The following MECOM variants were observed in gnomAD, a reference collection of about 807,000 sequenced individuals.
MECOM encodes the protein MDS1 and EVI1 complex locus, also known as histone-lysine N-methyltransferase MECOM.
MECOM carries 13 observed loss-of-function variants against 116.3 expected under a neutral mutation model. The observed-to-expected ratio is 0.11, with a 90% CI of 0.07 to 0.18. The LOEUF is 0.18. Ranked by LOEUF, MECOM falls within the 10% of genes least tolerant of loss-of-function variation. MECOM has a pLI of 1.00. For missense variants in MECOM, 1,299 were observed against 1,509.0 expected, an observed-to-expected ratio of 0.86 and a Z score of 2.31; for synonymous variants, 528 against 535.2, an observed-to-expected ratio of 0.99 and a Z score of 0.19.
At chr3:169,367,853 T>C (rs1577875441) in intron 2 of MECOM, among the ~76,000 whole-genome samples, 1 of 152,054 alleles carries the variant, frequency 6.6e-6, no homozygotes, top group South Asian at 2.1e-4. Context: ...TAGGCATGTA[T>C]ATTCCTCTGA....
chr3:169,211,071 T>C (rs1750666347), intron 2 of MECOM, among the ~76,000 whole-genome samples: 1 of 152,180 alleles, frequency 6.6e-6, no homozygotes, highest in South Asian at 2.1e-4. Flanking sequence ...TAATGGTATG[T>C]CAAACATGTG....
At chr3:169,651,642 G>A (rs1284934400) in intron 1 of MECOM, among the ~76,000 whole-genome samples, 3 of 152,118 alleles carry the variant, frequency 2.0e-5, no homozygotes, top group Non-Finnish European at 2.9e-5. Context: ...GGGGAAGGGT[G>A]GAGAGAGGAT....
chr3:169,127,953 T>C lies in MECOM; in HGVS notation c.721A>G (p.Met241Val), dbSNP rs1273215922. 6.2e-7 allele frequency: 1 copy of C among 1,614,092 alleles called. No individual in the cohort carries two copies. Among genetic ancestry groups the C allele is most frequent in the Non-Finnish European group, 8.5e-7 (1 of 1,179,958 alleles). Residue 241 changes from methionine (M) to valine (V), a missense_variant, in exon 5 of 17, where the codon ATG (methionine) becomes GTG (valine). Around this residue, in one of 6 missense-constraint regions of MECOM, gnomAD observed 374 missense variants for 433.4 expected, o/e 0.86. Coordinates refer to ENST00000651503, the MANE Select transcript of MECOM (RefSeq NM_004991.4). ...PCSTPHSAFS[M>V]VEEDFQQKLE... ...TTTTGCTGAAAGTCCTCTTCAACCATTGAAAATGCTGAGTGAGGAGTACTG... is the reference window on the plus strand; with the variant it reads ...TTTTGCTGAAAGTCCTCTTCAACCACTGAAAATGCTGAGTGAGGAGTACTG...
intron 2 of MECOM, among the ~76,000 whole-genome samples, chr3:169,209,331 C>A (rs1449267339): frequency 6.6e-6 from 1 of 151,856 alleles, no homozygotes; most frequent in Non-Finnish European, 1.5e-5. Context: ...AAAGCAATTG[C>A]AAAAAAAGCC....
At chr3:169,621,897 T>A (rs1379966182) in intron 1 of MECOM, among the ~76,000 whole-genome samples, 2 of 152,102 alleles carry the variant, frequency 1.3e-5, no homozygotes, top group Admixed American at 1.3e-4. Flanking sequence ...ATTACCTGCA[T>A]CATTGACAGG....
At chr3:169,281,093 A>T (rs1711878970) in intron 2 of MECOM, among the ~76,000 whole-genome samples, 1 of 152,152 alleles carries the variant, frequency 6.6e-6, no homozygotes, top group Non-Finnish European at 1.5e-5. Flanking sequence ...ACCAATTATG[A>T]TGTAGAATGT....
At chr3:169,474,129 G>A (rs1051768152) in intron 1 of MECOM, among the ~76,000 whole-genome samples, 1 of 152,148 alleles carries the variant, frequency 6.6e-6, no homozygotes, top group South Asian at 2.1e-4. Flanking sequence ...TTTTGTAGTG[G>A]CACATTGAAG....
chr3:169,565,035 C>T (rs886504493), intron 1 of MECOM, among the ~76,000 whole-genome samples: 6 of 152,188 alleles, frequency 3.9e-5, no homozygotes, highest in South Asian at 2.1e-4. Flanking sequence ...AGTGTTTCAT[C>T]TCATACAATC....
At chr3:169,576,812 C>T (rs1171895719) in intron 1 of MECOM, among the ~76,000 whole-genome samples, 1 of 115,536 alleles carries the variant, frequency 8.7e-6, no homozygotes, top group East Asian at 2.6e-4. Flanking sequence ...CACACACACA[C>T]ACACACACAC....
chr3:169,181,798 G>A (rs1746002729), intron 2 of MECOM, among the ~76,000 whole-genome samples: 1 of 152,164 alleles, frequency 6.6e-6, no homozygotes, highest in Non-Finnish European at 1.5e-5. Context: ...AGGAAAAGCA[G>A]GATTATGGAG....
chr3:169,107,755 T>C (rs1725903806), intron 10 of MECOM, among the ~76,000 whole-genome samples, 171 bp downstream of exon 10: 1 of 152,184 alleles, frequency 6.6e-6, no homozygotes, highest in African/African-American at 2.4e-5. Flanking sequence ...AAATGCCCAA[T>C]TATAACTGAA....
intron 1 of MECOM, among the ~76,000 whole-genome samples, chr3:169,567,147 T>C (rs896886156): frequency 3.6e-5 from 5 of 140,618 alleles, no homozygotes; most frequent in African/African-American, 1.0e-4. Flanking sequence ...AATCCAGCCA[T>C]GTCTGGGCCT....
At chr3:169,198,300 C>A (rs1054566243) in intron 2 of MECOM, among the ~76,000 whole-genome samples, 1 of 151,950 alleles carries the variant, frequency 6.6e-6, no homozygotes, top group Non-Finnish European at 1.5e-5. Context: ...TAAATCAAAT[C>A]TTTATATCAA....
intron 1 of MECOM, among the ~76,000 whole-genome samples, chr3:169,602,469 G>A (rs1767946660): frequency 6.6e-6 from 1 of 152,150 alleles, no homozygotes; most frequent in African/African-American, 2.4e-5. Flanking sequence ...CTCAACCTCA[G>A]CACTATTGGC....
At position 169,367,358 on chromosome 3, in the gene MECOM, T is replaced by TTTTG. The variant is rs762725001; in HGVS notation, c.375+13828_375+13829insCAAA. 7.3e-5 allele frequency among the ~76,000 whole-genome samples: 11 copies of TTTTG among 151,664 alleles called. No homozygotes were observed. In the East Asian group the frequency reaches 1.6e-3, roughly 22 times the overall value. On this transcript the variant is annotated intron_variant, in intron 2 of 16. Coordinates refer to ENST00000651503, the MANE Select transcript of MECOM (RefSeq NM_004991.4). ...TGTGATTTGGTTTTTAATTTTTTTTTTGTGGGGGTAGGCAGAAGTTGATGG... is the reference window on the plus strand; with the variant it reads ...TGTGATTTGGTTTTTAATTTTTTTTTTTTGTGTGGGGGTAGGCAGAAGTTGATGG...
intron 2 of MECOM, among the ~76,000 whole-genome samples, chr3:169,204,703 T>C (rs1451492728): frequency 6.6e-6 from 1 of 152,178 alleles, no homozygotes; most frequent in Non-Finnish European, 1.5e-5. Context: ...AAATTTACAA[T>C]GGCCTAAGAC....
intron 2 of MECOM, among the ~76,000 whole-genome samples, chr3:169,298,046 A>C (rs1367841052): frequency 6.6e-6 from 1 of 152,192 alleles, no homozygotes; most frequent in African/African-American, 2.4e-5. Context: ...CGGCAATATT[A>C]TCATCCAGCA....
chr3:169,372,915 C>T (rs1181064714), intron 2 of MECOM, among the ~76,000 whole-genome samples: 2 of 152,004 alleles, frequency 1.3e-5, no homozygotes, highest in Non-Finnish European at 2.9e-5. Flanking sequence ...AGTCTCACTC[C>T]AGAAGAAGCC....
chr3:169,584,469 G>A (rs2109571192), intron 1 of MECOM, among the ~76,000 whole-genome samples: 1 of 151,770 alleles, frequency 6.6e-6, no homozygotes, highest in Admixed American at 6.6e-5. Flanking sequence ...GGAGGCTGAG[G>A]CAGGAGAATG....
Sources: allele counts gnomAD v4.1 joint callset (sites outside exome capture counted in the v4.1 genomes callset), GRCh38; gene constraint gnomAD v4.1.1; regional missense constraint gnomAD v4.1.1; transcripts MANE v1.5; gene names NCBI Gene and HGNC (gene_info 2026-07-23, HGNC 2026-07-21).